Variants in SASH1 observed in about 807,000 individuals in gnomAD.
SASH1 encodes SAM and SH3 domain-containing protein 1.
Under a neutral mutation model 125.2 loss-of-function variants are expected in SASH1, and 44 were observed. The observed-to-expected ratio is 0.35, with a 90% CI of 0.28 to 0.45. The LOEUF (loss-of-function observed/expected upper bound fraction) is 0.45, where lower values mean the gene tolerates loss of function less well. Ranked by LOEUF, SASH1 falls within the 20% of genes least tolerant of loss-of-function variation. The probability of loss-of-function intolerance (pLI) is 1.00; values close to 1 mark genes in which losing one functional copy is unlikely to be tolerated. For synonymous variants in SASH1, 639 were observed against 649.1 expected, an observed-to-expected ratio of 0.98 and a Z score of 0.24; for missense variants, 1,426 against 1,614.5, an observed-to-expected ratio of 0.88 and a Z score of 2.00.
intron 8 of SASH1, chr6:148,508,728 G>C (rs997073014): frequency 1.5e-5 from 18 of 1,228,674 alleles, no homozygotes; most frequent in Non-Finnish European, 1.9e-5. Context: ...TGTAACTCCA[G>C]AGAGACATGT....
rs1219500842 is a variant in SASH1 at position 148,387,564 on chromosome 6, T to TTC, written c.157-2566_157-2565dup. Among the ~76,000 whole-genome samples the TTC allele has an allele frequency of 9.1e-4, 130 of 142,344 alleles. 2 individuals are homozygous for TTC. The highest frequency in any genetic ancestry group is 1.3e-3 in the Non-Finnish European group (82 of 63,838). The allele number at this position is 142,344 out of a possible 152,430, so 93.4% of individuals were successfully genotyped here. On this transcript the variant is annotated intron_variant, in intron 1 of 19. Transcript: ENST00000367467. The stretch of plus-strand genomic sequence containing the variant: ...TTTCTTTTCTTTTCCTTTCTTTCTT[T>TTC]TCTCTTTCTTTCTTTCTTTCTTTCT...
At chr6:148,454,279 C>G (rs1416304710) in intron 4 of SASH1, among the ~76,000 whole-genome samples, 2 of 152,120 alleles carry the variant, frequency 1.3e-5, no homozygotes, top group African/African-American at 4.8e-5. Context: ...CAGCCCCTGA[C>G]CCAGAGGACC....
the SASH1 span, among the ~76,000 whole-genome samples, chr6:148,194,862 C>A: frequency 1.4e-4 from 22 of 152,174 alleles, no homozygotes; most frequent in African/African-American, 5.1e-4. Context: ...GCCGAGATCG[C>A]GCCACTGCAC....
intron 8 of SASH1, among the ~76,000 whole-genome samples, chr6:148,496,781 G>A (rs1779327873): frequency 6.6e-6 from 1 of 151,960 alleles, no homozygotes; most frequent in Non-Finnish European, 1.5e-5. Flanking sequence ...GCTGAGTCGG[G>A]AGGATTTCTT....
In SASH1 at chr6:148,314,757, T is replaced by C. The variant is rs117531105; in HGVS notation, n.74+42380T>C. On this transcript the variant is annotated intron_variant and non_coding_transcript_variant, in intron 1 of 3. Coordinates refer to the SASH1 transcript ENST00000367469. Reference sequence around the variant, plus strand: ...AAGTTTCAAGTCTATTAATGAAAAATGGTATAAATGACTTTTTTTTTTTTT... The same window carrying C: ...AAGTTTCAAGTCTATTAATGAAAAACGGTATAAATGACTTTTTTTTTTTTT... 8.0e-3 allele frequency among the ~76,000 whole-genome samples: 1,173 copies of C among 147,292 alleles called. 7 individuals are homozygous for C. The highest frequency in any genetic ancestry group is 0.035 in the Middle Eastern group (10 of 286).
chr6:148,349,147 G>A (rs555496264), intron 1 of SASH1, among the ~76,000 whole-genome samples: 21 of 152,022 alleles, frequency 1.4e-4, no homozygotes, highest in Middle Eastern at 3.4e-3. Context: ...TGATGTTGCT[G>A]GATAAGGTTT....
At chr6:148,247,035 G>C in the SASH1 span, among the ~76,000 whole-genome samples, 2 of 152,146 alleles carry the variant, frequency 1.3e-5, no homozygotes, top group African/African-American at 4.8e-5. Flanking sequence ...AAGGCCAAGG[G>C]CGATGGAATG....
intron 2 of SASH1, among the ~76,000 whole-genome samples, chr6:148,435,843 A>G (rs922051210): frequency 1.3e-5 from 2 of 152,222 alleles, no homozygotes; most frequent in African/African-American, 4.8e-5. Context: ...AAAATTTTCT[A>G]TAATCATAGG....
chr6:148,252,274 C>T, the SASH1 span, among the ~76,000 whole-genome samples: 1 of 152,008 alleles, frequency 6.6e-6, no homozygotes, highest in Non-Finnish European at 1.5e-5. Flanking sequence ...AGTATATGTA[C>T]AGTAATGCAT....
intron 8 of SASH1, among the ~76,000 whole-genome samples, chr6:148,500,202 A>G (rs1213597217): frequency 6.8e-6 from 1 of 148,068 alleles, no homozygotes; most frequent in Admixed American, 6.8e-5. Context: ...CCTGTTTGCC[A>G]TGCTATCTGA....
chr6:148,509,861 G>A (rs756497763), intron 8 of SASH1, among the ~76,000 whole-genome samples: 2 of 152,166 alleles, frequency 1.3e-5, no homozygotes, highest in African/African-American at 2.4e-5. Flanking sequence ...AGTTCTCCAC[G>A]CTGGCTCCAT....
At chr6:148,384,711 T>G (rs1350715170) in intron 1 of SASH1, among the ~76,000 whole-genome samples, 2 of 152,214 alleles carry the variant, frequency 1.3e-5, no homozygotes, top group African/African-American at 4.8e-5. Flanking sequence ...CTGTCAGTCC[T>G]GAAAGAGCAT....
chr6:148,435,633 C>T (rs1361340621), intron 2 of SASH1, among the ~76,000 whole-genome samples: 1 of 152,030 alleles, frequency 6.6e-6, no homozygotes, highest in East Asian at 1.9e-4. Context: ...TTAAGGAACT[C>T]TGATAGCTAA....
the SASH1 span, among the ~76,000 whole-genome samples, chr6:148,207,482 T>C: frequency 6.6e-6 from 1 of 152,186 alleles, no homozygotes; most frequent in Non-Finnish European, 1.5e-5. Flanking sequence ...TCAGTTCTAT[T>C]ATGCCACACA....
In SASH1 at chr6:148,474,030, A is replaced by G. The variant is rs1011087420; in HGVS notation, c.515-80A>G. ...CTGAGCAACATTCTTCTCTAGCCCGAGACAGCAGATGTTCCGCATTGACGT... is the reference window on the plus strand; with the variant it reads ...CTGAGCAACATTCTTCTCTAGCCCGGGACAGCAGATGTTCCGCATTGACGT... On this transcript the variant is annotated intron_variant, in intron 6 of 19. Transcript: ENST00000367467. 21 of 878,312 alleles carry G rather than the reference A, an allele frequency of 2.4e-5. No homozygotes were observed. The African/African-American group carries it at 2.7e-4, about 11-fold the overall frequency. 54.4% of individuals were successfully genotyped at this position (878,312 alleles called of 1,614,324 possible). A position where few individuals can be genotyped will look rare whatever the true frequency, so the allele number is the denominator to read the frequency against.
chr6:148,490,776 A>G (rs1206027132), intron 8 of SASH1, among the ~76,000 whole-genome samples: 1 of 151,940 alleles, frequency 6.6e-6, no homozygotes, highest in Non-Finnish European at 1.5e-5. Flanking sequence ...GATAAATTCC[A>G]CCCTTCTTGG....
chr6:148,330,837 C>T (rs1351889531), intron 1 of SASH1, among the ~76,000 whole-genome samples: 1 of 152,134 alleles, frequency 6.6e-6, no homozygotes, highest in African/African-American at 2.4e-5. Context: ...CTGCCAGCCT[C>T]GGCCTCCCAA....
At chr6:148,492,234 C>G (rs1291932805) in intron 8 of SASH1, among the ~76,000 whole-genome samples, 2 of 152,288 alleles carry the variant, frequency 1.3e-5, no homozygotes, top group Admixed American at 1.3e-4. Context: ...TAAGTATTAT[C>G]AAGCATTTAG....
At chr6:148,436,097 C>G (rs913854221) in intron 2 of SASH1, among the ~76,000 whole-genome samples, 1 of 152,178 alleles carries the variant, frequency 6.6e-6, no homozygotes, top group Non-Finnish European at 1.5e-5. Context: ...CTGGCCACAG[C>G]GATGTCTGCC....
Sources: allele counts gnomAD v4.1 joint callset (sites outside exome capture counted in the v4.1 genomes callset), GRCh38; gene constraint gnomAD v4.1.1; transcripts MANE v1.5; gene names NCBI Gene and HGNC (gene_info 2026-07-23, HGNC 2026-07-21).